Variants in TENM4 observed in about 807,000 individuals in gnomAD.
TENM4 encodes the protein teneurin-4.
TENM4 carries 82 observed loss-of-function variants against 243.3 expected under a neutral mutation model. The observed-to-expected ratio is 0.34, with a 90% CI of 0.28 to 0.40. TENM4 has a LOEUF of 0.40. Ranked by LOEUF, TENM4 falls within the 10% of genes least tolerant of loss-of-function variation. The pLI is 1.00. For missense variants in TENM4, 3,138 were observed against 3,673.3 expected (o/e 0.85, Z 3.77); for synonymous variants, 1,412 against 1,456.3 (o/e 0.97, Z 0.69).
intron 1 of TENM4, among the ~76,000 whole-genome samples, chr11:79,319,245 T>A (rs1856849441): frequency 6.6e-6 from 1 of 152,182 alleles, no homozygotes; most frequent in Admixed American, 6.5e-5. Context: ...ACTTATATAA[T>A]AAGAAATGCA....
At chr11:78,828,402 T>C (rs1442359392) in intron 12 of TENM4, among the ~76,000 whole-genome samples, 2 of 152,226 alleles carry the variant, frequency 1.3e-5, no homozygotes, top group Non-Finnish European at 2.9e-5. Context: ...CAAGATGGCA[T>C]CTGTGAATTA....
chr11:79,063,290 C>T (rs1860148024), intron 6 of TENM4, among the ~76,000 whole-genome samples: 1 of 152,246 alleles, frequency 6.6e-6, no homozygotes. Flanking sequence ...CCCTCTAAGC[C>T]TCATCTCTGA....
chr11:78,698,259 G>A (rs1032551385), intron 28 of TENM4, among the ~76,000 whole-genome samples: 2 of 152,008 alleles, frequency 1.3e-5, no homozygotes, highest in African/African-American at 2.4e-5. Context: ...AAAATTAGCC[G>A]GGCGTCGTGG....
chr11:79,101,957 C>T (rs1270868358), intron 4 of TENM4, among the ~76,000 whole-genome samples: 2 of 152,182 alleles, frequency 1.3e-5, no homozygotes, highest in Non-Finnish European at 2.9e-5. Context: ...GGGCTAGGAA[C>T]CAGGCTCCAG....
At chr11:78,977,771 TCAA>T (rs1232171347) in intron 6 of TENM4, among the ~76,000 whole-genome samples, 5 of 152,236 alleles carry the variant, frequency 3.3e-5, no homozygotes, top group African/African-American at 9.6e-5. Context: ...GTAAATTAGT[TCAA>T]CGATTGTGGA....
In TENM4 at chr11:79,207,736, T is replaced by C. The variant is rs139044240; in HGVS notation, c.-163+8072A>G. Among the ~76,000 whole-genome samples the C allele has an allele frequency of 4.0e-3, 611 of 151,864 alleles. 5 individuals are homozygous for C. Among genetic ancestry groups the C allele is most frequent in the African/African-American group, 0.014 (588 of 41,392 alleles). On this transcript the variant is annotated intron_variant, in intron 3 of 33. Transcript: ENST00000278550. Reference sequence around the variant, plus strand: ...CAAAAATTAGCCAGGTATGGTGGCATGCACCTGTAGTCCCAGCTACTCAGG... The same window carrying C: ...CAAAAATTAGCCAGGTATGGTGGCACGCACCTGTAGTCCCAGCTACTCAGG...
intron 6 of TENM4, among the ~76,000 whole-genome samples, chr11:79,042,563 T>C (rs527285790): frequency 3.3e-5 from 5 of 152,338 alleles, no homozygotes; most frequent in Admixed American, 6.5e-5. Context: ...ACTGAATCTG[T>C]TGGTGCCTTG....
At chr11:78,855,206 A>G (rs78754729) in intron 11 of TENM4, among the ~76,000 whole-genome samples, 2,246 of 152,296 alleles carry the variant, frequency 0.015, 60 homozygotes, top group African/African-American at 0.052. Context: ...TTTAGCAAAC[A>G]TATCTGTCTT....
At chr11:78,807,073 C>A (rs1041317400) in intron 14 of TENM4, among the ~76,000 whole-genome samples, 3 of 152,112 alleles carry the variant, frequency 2.0e-5, no homozygotes, top group Non-Finnish European at 4.4e-5. Context: ...ATGTTCATAC[C>A]TCATTTTGTT....
At chr11:79,062,418 C>T (rs140171583) in intron 6 of TENM4, among the ~76,000 whole-genome samples, 21 of 152,270 alleles carry the variant, frequency 1.4e-4, no homozygotes, top group Admixed American at 6.5e-5. Context: ...TATTAGAATA[C>T]TGGTCCCACC....
intron 9 of TENM4, among the ~76,000 whole-genome samples, chr11:78,863,524 T>C (rs1471037099): frequency 3.3e-5 from 5 of 152,258 alleles, no homozygotes; most frequent in Admixed American, 6.5e-5. Flanking sequence ...AGTAGGAAAA[T>C]AGGCATTGGA....
intron 1 of TENM4, chr11:79,402,171 G>A: frequency 9.8e-6 from 3 of 305,892 alleles, no homozygotes; most frequent in Admixed American, 2.8e-5. Context: ...AAACCCCTGG[G>A]GCAGGAGAAG....
chr11:79,067,620 AT>A (rs1860296858), intron 5 of TENM4, among the ~76,000 whole-genome samples: 1 of 2,636 alleles, frequency 3.8e-4, no homozygotes, highest in South Asian at 6.4e-3. Context: ...CGGGACTAGG[AT>A]GTCTTAGGAA....
intron 4 of TENM4, among the ~76,000 whole-genome samples, chr11:79,113,772 G>A (rs1338510018): frequency 6.6e-6 from 1 of 152,152 alleles, no homozygotes; most frequent in Admixed American, 6.6e-5. Context: ...TGCCCTCAGA[G>A]GCTGTCCTGG....
At position 78,669,355 on chromosome 11, in the gene TENM4, G is replaced by A. The variant is rs750645813; in HGVS notation, c.6990C>T (p.Ser2330=). ...PTKVTHLYNH[S]SSEITSLYYD... The stretch of plus-strand genomic sequence containing the variant: ...AGTAGAGGGAGGTGATCTCAGAGCT[G>A]GAGTGGTTGTACAGGTGGGTGACCT... Residue 2330 remains serine, a synonymous_variant, in exon 32 of 34, where the codon TCC becomes TCT. Transcript: ENST00000278550. The surrounding 1 kb of genome is among the most constrained non-coding windows in gnomAD (Gnocchi z 6.4). 3.7e-6 allele frequency: 6 copies of A among 1,613,784 alleles called. No homozygotes were observed. The highest frequency in any genetic ancestry group is 5.1e-6 in the Non-Finnish European group (6 of 1,179,772).
rs1052502683 is a variant in TENM4, at chr11:79,438,430, C to T, written c.-321+2079G>A. 2.0e-5 allele frequency among the ~76,000 whole-genome samples: 3 copies of T among 152,178 alleles called. No homozygotes were observed. The highest frequency in any genetic ancestry group is 7.2e-5 in the African/African-American group (3 of 41,452). On this transcript the variant is annotated intron_variant, in intron 1 of 33. Coordinates refer to ENST00000278550, the MANE Select transcript of TENM4 (RefSeq NM_001098816.3). This position sits in a 1 kb window ranked among gnomAD's most constrained non-coding sequence, Gnocchi z 4.1. ...AACGGAAGCCATACCCGACCCCAGCCCCATCCCGTCCCCATCAGCGCCGGG... is the reference window on the plus strand; with the variant it reads ...AACGGAAGCCATACCCGACCCCAGCTCCATCCCGTCCCCATCAGCGCCGGG...
chr11:78,777,114 A>C lies in TENM4; in HGVS notation c.2392+1488T>G, dbSNP rs74674960. Among the ~76,000 whole-genome samples, 1,445 of 152,244 alleles carry C rather than the reference A, an allele frequency of 9.5e-3. 28 individuals carry two copies. The highest frequency in any genetic ancestry group is 0.033 in the African/African-American group (1,379 of 41,542). ...TGAAAAAACTTCACATAGTAGGAAA[A>C]TTTTCCATCAAATAGATGGTAACAT... is the stretch of plus-strand genomic sequence containing the variant. On this transcript the variant is annotated intron_variant, in intron 17 of 33. Coordinates refer to ENST00000278550, the MANE Select transcript of TENM4 (RefSeq NM_001098816.3).
At chr11:79,235,704 A>G (rs1031269379) in intron 2 of TENM4, among the ~76,000 whole-genome samples, 12 of 151,998 alleles carry the variant, frequency 7.9e-5, no homozygotes, top group African/African-American at 2.7e-4. Flanking sequence ...TAGTTATACA[A>G]GTGCATAAAT....
In TENM4 at chr11:78,889,988, G is replaced by A. The variant is rs767947807; in HGVS notation, c.881C>T (p.Pro294Leu). 36 of 1,547,794 alleles carry A rather than the reference G, an allele frequency of 2.3e-5. No individual in the cohort carries two copies. In the South Asian group the frequency reaches 2.7e-4, roughly 12 times the overall value. ...HFLFKPGGTS[P>L]LFCTTSPGYP... The stretch of plus-strand genomic sequence containing the variant: ...CCCTGGTGATGTGGTGCAGAAGAGC[G>A]GGGAGGTGCCTCCAGGCTTGAAGAG... The change falls in exon 9 of 34, where the codon CCG (proline) becomes CTG (leucine). Residue 294 changes from proline to leucine, a missense_variant. Around this residue, in one of 2 missense-constraint regions of TENM4, gnomAD observed 671 missense variants for 614.1 expected, o/e 1.09. Transcript: ENST00000278550.
Sources: allele counts gnomAD v4.1 joint callset (sites outside exome capture counted in the v4.1 genomes callset), GRCh38; gene constraint gnomAD v4.1.1; regional missense constraint gnomAD v4.1.1; non-coding constraint Gnocchi (gnomAD v3.1); transcripts MANE v1.5; gene names NCBI Gene and HGNC (gene_info 2026-07-23, HGNC 2026-07-21).